URGCP: variants seen among roughly 807,000 people sequenced by gnomAD.
URGCP encodes up-regulator of cell proliferation.
URGCP carries 13 observed loss-of-function variants against 24.6 expected under a neutral mutation model. The observed-to-expected ratio is 0.53, with a 90% confidence interval of 0.34 to 0.84. URGCP has a LOEUF of 0.84. URGCP is among the 40% of genes least tolerant of loss of function. The pLI is 0.01. For synonymous variants in URGCP, 444 were observed against 487.2 expected (o/e 0.91, Z 1.17); for missense variants, 899 against 1,194.3 (o/e 0.75, Z 3.64).
intron 1 of URGCP, among the ~76,000 whole-genome samples, chr7:43,898,083 C>T (rs138363985): frequency 1.1e-3 from 163 of 152,236 alleles, no homozygotes; most frequent in Middle Eastern, 3.4e-3. Flanking sequence ...AATCCTTCAA[C>T]GCGTATAGGA....
intron 1 of URGCP, among the ~76,000 whole-genome samples, chr7:43,891,489 T>C (rs1015077358): frequency 2.6e-5 from 4 of 152,164 alleles, no homozygotes; most frequent in African/African-American, 9.7e-5. Flanking sequence ...TCCTCCTGCG[T>C]AAATAAGTCA....
intron 1 of URGCP, among the ~76,000 whole-genome samples, chr7:43,898,942 C>G (rs1263455454): frequency 1.3e-5 from 2 of 149,330 alleles, no homozygotes; most frequent in East Asian, 1.9e-4. Flanking sequence ...TCGAGACTAG[C>G]CTGGCCAACA....
At chr7:43,900,353 G>C (rs1211217361) in intron 1 of URGCP, among the ~76,000 whole-genome samples, 1 of 151,192 alleles carries the variant, frequency 6.6e-6, no homozygotes, top group Non-Finnish European at 1.5e-5. Flanking sequence ...TACTCAGGAG[G>C]CTGAGGCAGG....
In URGCP at chr7:43,901,765, C is replaced by G. The variant is rs1469388411; in HGVS notation, c.14+4797G>C. 3.3e-5 allele frequency among the ~76,000 whole-genome samples: 5 copies of G among 152,196 alleles called. No homozygotes were observed. In the East Asian group the frequency reaches 7.7e-4, roughly 23 times the overall value. ...CTGGCCCATTCAGACCAGGCCGGGC[C>G]TCCAGTGGGAAAGCTGAGCCTTTCC... On this transcript the variant is annotated intron_variant, in intron 1 of 5. Coordinates refer to ENST00000453200, the MANE Select transcript of URGCP (RefSeq NM_001077663.3).
At chr7:43,881,118 A>T in intron 5 of URGCP, 1 of 694,748 alleles carries the variant, frequency 1.4e-6, no homozygotes, top group Non-Finnish European at 2.6e-6. Flanking sequence ...CCTGAATGAA[A>T]CTAGGAACAT....
intron 3 of URGCP, among the ~76,000 whole-genome samples, chr7:43,886,651 G>C (rs781569450): frequency 6.6e-6 from 1 of 152,166 alleles, no homozygotes; most frequent in Non-Finnish European, 1.5e-5. Context: ...TACTTGGGAG[G>C]CTGAGGCAGC....
Position 43,900,411 on chromosome 7 carries a change from C to T in URGCP, c.14+6151G>A, listed in dbSNP as rs547975657. Reference sequence around the variant, plus strand: ...TGGAGGTTGAAGTGAGCTGAGATCACACCACTGCACTCCAGCCTGGGCGAC... The same window carrying T: ...TGGAGGTTGAAGTGAGCTGAGATCATACCACTGCACTCCAGCCTGGGCGAC... On this transcript the variant is annotated intron_variant, in intron 1 of 5. Transcript: ENST00000453200. 1.2e-3 allele frequency among the ~76,000 whole-genome samples: 167 copies of T among 142,802 alleles called. 2 individuals are homozygous for T. Among genetic ancestry groups the T allele is most frequent in the Middle Eastern group, 7.6e-3 (2 of 262 alleles). 93.7% of individuals were successfully genotyped at this position (142,802 alleles called of 152,430 possible).
At position 43,878,116 on chromosome 7, in the gene URGCP, C is replaced by G. The variant is rs1308734891; in HGVS notation, c.1347G>C (p.Glu449Asp). Residue 449 changes from glutamate to aspartate, a missense_variant, in exon 6 of 6, where the codon GAG (glutamate) becomes GAC (aspartate). Coordinates refer to ENST00000453200, the MANE Select transcript of URGCP (RefSeq NM_001077663.3). This position sits in a 1 kb window ranked among gnomAD's most constrained non-coding sequence, Gnocchi z 5.6. The part of the protein sequence containing the change: ...LRAPCRRVSV[E>D]DMAHAARKLG... ...GTTTGCGGGCTGCGTGCGCCATGTC[C>G]TCCACAGATACCCGCCTGCAGGGTG... The G allele has an allele frequency of 2.5e-6, 4 of 1,614,256 alleles. No homozygotes were observed. The highest frequency in any genetic ancestry group is 3.4e-6 in the Non-Finnish European group (4 of 1,180,050).
Position 43,878,460 on chromosome 7 carries a change from G to A in URGCP, c.1003C>T (p.Leu335=), listed in dbSNP as rs919404882. The A allele has an allele frequency of 1.7e-5, 27 of 1,614,166 alleles. No homozygotes were observed. Among genetic ancestry groups the A allele is most frequent in the Non-Finnish European group, 2.2e-5 (26 of 1,180,024 alleles). The change falls in exon 6 of 6, where the codon CTG becomes TTG. Residue 335 remains leucine, a synonymous_variant. Transcript: ENST00000453200. The surrounding 1 kb of genome is among the most constrained non-coding windows in gnomAD (Gnocchi z 5.6). The part of the protein sequence containing the change: ...LDIFPEPVAF[L]NLRGDIGSHW... Reference sequence around the variant, plus strand: ...GACCCGATGTCACCTCTCAGGTTCAGAAAGGCCACAGGTTCTGGGAAAATG... The same window carrying A: ...GACCCGATGTCACCTCTCAGGTTCAAAAAGGCCACAGGTTCTGGGAAAATG...
intron 1 of URGCP, among the ~76,000 whole-genome samples, chr7:43,895,277 T>C (rs2095876623): frequency 6.6e-6 from 1 of 151,944 alleles, no homozygotes; most frequent in Admixed American, 6.6e-5. Context: ...AAGACATATA[T>C]ATGGCCAAGA....
At chr7:43,906,712 G>C (rs1428457850), upstream of URGCP, 1 of 754,044 alleles carries the variant, frequency 1.3e-6, no homozygotes, top group Non-Finnish European at 1.6e-6. Context: ...GGTGAGGTGG[G>C]GTAAGGTGGG....
intron 3 of URGCP, among the ~76,000 whole-genome samples, chr7:43,886,312 A>G (rs867675111): frequency 6.6e-6 from 1 of 152,036 alleles, no homozygotes; most frequent in Non-Finnish European, 1.5e-5. Flanking sequence ...ATTAACCAAA[A>G]CTTATTTGCA....
chr7:43,883,337 CATATAT>C (rs1215710880), intron 3 of URGCP, among the ~76,000 whole-genome samples: 29 of 105,436 alleles, frequency 2.8e-4, no homozygotes, highest in Middle Eastern at 6.1e-3. Context: ...TATATATATA[CATATAT>C]ATATATATAT....
chr7:43,901,955 T>C (rs2095891501), intron 1 of URGCP, among the ~76,000 whole-genome samples: 1 of 152,244 alleles, frequency 6.6e-6, no homozygotes, highest in South Asian at 2.1e-4. Flanking sequence ...GAGATGTTCC[T>C]GAGAGGAGCA....
intron 5 of URGCP, chr7:43,881,059 AAG>A: frequency 3.1e-6 from 2 of 637,546 alleles, no homozygotes; most frequent in South Asian, 1.8e-5. Context: ...ACTATATGGG[AAG>A]AGTCACATTG....
Position 43,879,151 on chromosome 7 carries a change from C to T in URGCP, c.312G>A (p.Lys104=). The change falls in exon 6 of 6, where the codon AAG becomes AAA. Residue 104 remains lysine, a synonymous_variant. Transcript: ENST00000453200. ...DSLQISFDSM[K]NWAPQVPKDL... ...CTTTGGGAACCTGAGGGGCCCAGTT[C>T]TTCATACTGTCAAAACTGATCTGCA... 2 of 1,614,182 alleles carry T rather than the reference C, an allele frequency of 1.2e-6. No individual in the cohort carries two copies. The highest frequency in any genetic ancestry group is 2.2e-5 in the East Asian group (1 of 44,878).
At chr7:43,882,569 C>T (rs2095855571) in intron 3 of URGCP, among the ~76,000 whole-genome samples, 1 of 151,780 alleles carries the variant, frequency 6.6e-6, no homozygotes, top group South Asian at 2.1e-4. Context: ...GATTGCACCA[C>T]TGCATTCCAG....
intron 1 of URGCP, among the ~76,000 whole-genome samples, chr7:43,895,717 G>A (rs920517146): frequency 1.3e-5 from 2 of 152,186 alleles, no homozygotes; most frequent in African/African-American, 4.8e-5. Context: ...AGGATGTGGA[G>A]TAAAGGAAAT....
chr7:43,877,029 T>A lies in URGCP; in HGVS notation c.2434A>T (p.Met812Leu). ...AFLRLEKTGH[M>L]PNYQFVYQNL... Reference sequence around the variant, plus strand: ...TGGTATACAAACTGGTAGTTGGGCATGTGCCCCGTTTTTTCTAACCTCAGA... The same window carrying A: ...TGGTATACAAACTGGTAGTTGGGCAAGTGCCCCGTTTTTTCTAACCTCAGA... The change falls in exon 6 of 6, where the codon ATG (methionine) becomes TTG (leucine). Residue 812 changes from methionine to leucine, a missense_variant. Physicochemically the swap from Met to Leu is conservative, Grantham distance 15 (BLOSUM62 2). Transcript: ENST00000453200. The A allele has an allele frequency of 6.2e-7, 1 of 1,614,246 alleles. No individual in the cohort carries two copies. The highest frequency in any genetic ancestry group is 8.5e-7 in the Non-Finnish European group (1 of 1,180,040).
Sources: gnomAD v4.1 joint callset for allele counts (sites outside exome capture counted in the v4.1 genomes callset) on GRCh38, gnomAD v4.1.1 for gene constraint, Gnocchi (gnomAD v3.1) non-coding constraint, MANE v1.5 for transcripts, NCBI Gene and HGNC (gene_info 2026-07-23, HGNC 2026-07-21) for gene names.